Variants in GPR158 observed in about 807,000 individuals in gnomAD.
GPR158 encodes metabotropic glycine receptor.
A neutral mutation model predicts 78.2 loss-of-function variants in GPR158; 30 were observed. The observed-to-expected ratio is 0.38, with a 90% CI of 0.29 to 0.52. The LOEUF (loss-of-function observed/expected upper bound fraction) is 0.52. GPR158 is among the 20% of genes least tolerant of loss of function. The pLI is 0.83. For missense variants in GPR158, 1,463 were observed against 1,523.5 expected, an observed-to-expected ratio of 0.96 and a Z score of 0.66; for synonymous variants, 581 against 591.1, an observed-to-expected ratio of 0.98 and a Z score of 0.25.
chr10:25,371,339 C>T (rs537216545), intron 2 of GPR158, among the ~76,000 whole-genome samples: 284 of 151,932 alleles, frequency 1.9e-3, no homozygotes, highest in Non-Finnish European at 3.1e-3. Context: ...GCGCTTCCTT[C>T]AGGAGGTCTT....
intron 1 of GPR158, among the ~76,000 whole-genome samples, chr10:25,183,388 A>G (rs1852637521): frequency 6.6e-6 from 1 of 152,180 alleles, no homozygotes; most frequent in Non-Finnish European, 1.5e-5. Flanking sequence ...CCTCAAAGCA[A>G]TCATAGGATA....
intron 5 of GPR158, among the ~76,000 whole-genome samples, chr10:25,543,406 C>T (rs1365085696): frequency 6.6e-6 from 1 of 152,200 alleles, no homozygotes; most frequent in Non-Finnish European, 1.5e-5. Flanking sequence ...CAGGCGTGAG[C>T]CACTGCACCC....
intron 5 of GPR158, among the ~76,000 whole-genome samples, chr10:25,494,098 CT>C (rs1482011334): frequency 6.6e-6 from 1 of 152,112 alleles, no homozygotes; most frequent in African/African-American, 2.4e-5. Flanking sequence ...GGAGGGTTGA[CT>C]TCTGCATTTC....
chr10:25,440,762 T>G (rs546776522), intron 4 of GPR158, among the ~76,000 whole-genome samples: 3 of 152,320 alleles, frequency 2.0e-5, no homozygotes, highest in African/African-American at 7.2e-5. Flanking sequence ...TTTATTTTAT[T>G]TCTCCATAAA....
intron 2 of GPR158, among the ~76,000 whole-genome samples, chr10:25,279,530 G>A (rs1019051916): frequency 6.6e-6 from 1 of 152,046 alleles, no homozygotes; most frequent in African/African-American, 2.4e-5. Flanking sequence ...TGTGCAGGGG[G>A]AAGTGTATTA....
intron 6 of GPR158, among the ~76,000 whole-genome samples, chr10:25,562,504 C>G (rs890146798): frequency 6.6e-6 from 1 of 152,082 alleles, no homozygotes; most frequent in Non-Finnish European, 1.5e-5. Flanking sequence ...GTCAGCTTAT[C>G]TTCTGTTTTC....
chr10:25,351,701 T>C (rs909248125), intron 2 of GPR158, among the ~76,000 whole-genome samples: 1 of 134,944 alleles, frequency 7.4e-6, no homozygotes, highest in East Asian at 2.0e-4. Flanking sequence ...AGCAATAGTG[T>C]TTTTCTTTCT....
intron 5 of GPR158, among the ~76,000 whole-genome samples, chr10:25,503,533 GCT>G (rs935583783): frequency 3.1e-4 from 47 of 152,288 alleles, no homozygotes; most frequent in African/African-American, 1.1e-3. Flanking sequence ...AAGGAATTTA[GCT>G]CTCTTACTAA....
chr10:25,224,489 AATTAT>A (rs945992569), intron 2 of GPR158, among the ~76,000 whole-genome samples: 9 of 151,578 alleles, frequency 5.9e-5, no homozygotes, highest in Admixed American at 3.9e-4. Context: ...TTTTAATATA[AATTAT>A]ATTACTTTGT....
intron 5 of GPR158, among the ~76,000 whole-genome samples, chr10:25,500,617 C>T (rs566240354): frequency 6.6e-6 from 1 of 152,152 alleles, no homozygotes; most frequent in African/African-American, 2.4e-5. Context: ...AGTGTTTGTT[C>T]GCTTGGAATT....
intron 4 of GPR158, among the ~76,000 whole-genome samples, chr10:25,433,577 G>GCA (rs1367285284): frequency 9.6e-5 from 14 of 146,108 alleles, no homozygotes; most frequent in Admixed American, 4.8e-4. Context: ...GTGTGCGCGC[G>GCA]CGCGTGCGCG....
intron 2 of GPR158, among the ~76,000 whole-genome samples, chr10:25,334,527 A>AT (rs984639551): frequency 1.3e-5 from 2 of 151,998 alleles, no homozygotes; most frequent in Non-Finnish European, 2.9e-5. Flanking sequence ...GGTCAGGTTC[A>AT]TTTTTCAGTA....
intron 4 of GPR158, among the ~76,000 whole-genome samples, chr10:25,455,496 G>C (rs934378076): frequency 6.6e-6 from 1 of 151,384 alleles, no homozygotes; most frequent in Non-Finnish European, 1.5e-5. Flanking sequence ...TCTGTCTTTC[G>C]TGTCTTTCTG....
At chr10:25,537,072 T>C (rs1257353321) in intron 5 of GPR158, among the ~76,000 whole-genome samples, 2 of 152,226 alleles carry the variant, frequency 1.3e-5, no homozygotes, top group African/African-American at 4.8e-5. Flanking sequence ...TTTATTGTCA[T>C]CTGCCAGAAA....
intron 4 of GPR158, among the ~76,000 whole-genome samples, chr10:25,458,689 C>G (rs1203459468): frequency 1.3e-5 from 2 of 152,158 alleles, no homozygotes; most frequent in Non-Finnish European, 2.9e-5. Context: ...AACTGAGGCT[C>G]AAAGGTTGAA....
intron 4 of GPR158, among the ~76,000 whole-genome samples, chr10:25,460,259 T>C (rs191171970): frequency 6.6e-6 from 1 of 152,110 alleles, no homozygotes; most frequent in African/African-American, 2.4e-5. Flanking sequence ...TGGAGTATAG[T>C]AGCTCGATCT....
chr10:25,431,500 C>T (rs1314860808), intron 4 of GPR158, among the ~76,000 whole-genome samples: 3 of 142,544 alleles, frequency 2.1e-5, no homozygotes, highest in Non-Finnish European at 3.1e-5. Context: ...CCAGCCATCC[C>T]ATTACTGGGT....
At chr10:25,222,769 T>C (rs902774402) in intron 2 of GPR158, among the ~76,000 whole-genome samples, 2 of 152,220 alleles carry the variant, frequency 1.3e-5, no homozygotes, top group Non-Finnish European at 2.9e-5. Flanking sequence ...GGTGTCATAT[T>C]GTGGATATTG....
At chr10:25,590,455 A>G (rs1484584534) in intron 8 of GPR158, among the ~76,000 whole-genome samples, 1 of 152,166 alleles carries the variant, frequency 6.6e-6, no homozygotes, top group Non-Finnish European at 1.5e-5. Flanking sequence ...TTCAGGACCT[A>G]AGAGGGGATG....
Sources: allele counts gnomAD v4.1 joint callset (sites outside exome capture counted in the v4.1 genomes callset), GRCh38; gene constraint gnomAD v4.1.1; transcripts MANE v1.5; gene names NCBI Gene and HGNC (gene_info 2026-07-23, HGNC 2026-07-21).